Variants in GFM2 observed in about 807,000 individuals in gnomAD.
The protein encoded by GFM2 is GTP dependent ribosome recycling factor mitochondrial 2.
Under a neutral mutation model 95.4 loss-of-function variants are expected in GFM2, and 72 were observed. The ratio of observed to expected loss-of-function variants is 0.76; its 90% CI spans 0.62 to 0.92. The LOEUF is 0.92. GFM2 is among the 40% of genes least tolerant of loss of function. The pLI is 0.00. For missense variants in GFM2, 825 were observed against 924.1 expected, an observed-to-expected ratio of 0.89 and a Z score of 1.39; for synonymous variants, 276 against 317.5, an observed-to-expected ratio of 0.87 and a Z score of 1.39.
In GFM2 at chr5:74,741,542, A is replaced by G; in HGVS notation, c.917T>C (p.Leu306Ser). Residue 306 changes from leucine to serine, a missense_variant, in exon 11 of 21, where the codon TTA becomes TCA. Coordinates refer to ENST00000296805, the MANE Select transcript of GFM2 (RefSeq NM_032380.5). ...AATAAAATTTACCTTTTCAGCTGGT[A>G]ACAAATCAAAATTCTCACTAAATTC... ...LEEFSENFDL[L>S]PAEKLQTAIH... The G allele has an allele frequency of 6.5e-7, 1 of 1,544,402 alleles. No homozygotes were observed. Among genetic ancestry groups the G allele is most frequent in the Non-Finnish European group, 8.9e-7 (1 of 1,123,246 alleles).
At chr5:74,722,314 T>C in intron 20 of GFM2, 65 bp downstream of exon 20, 3 of 1,251,262 alleles carry the variant, frequency 2.4e-6, no homozygotes, top group Non-Finnish European at 3.4e-6. Flanking sequence ...TGATTGTCTA[T>C]TCATTGGCAT....
At position 74,736,873 on chromosome 5, in the gene GFM2, A is replaced by T; in HGVS notation, c.1433T>A (p.Leu478His). The T allele has an allele frequency of 6.2e-7, 1 of 1,613,918 alleles. No individual in the cohort carries two copies. The highest frequency in any genetic ancestry group is 8.5e-7 in the Non-Finnish European group (1 of 1,179,854). Residue 478 changes from leucine (L) to histidine (H), a missense_variant, in exon 15 of 21, where the codon CTT becomes CAT. Transcript: ENST00000296805. ...TGGAATCTCCACTCCAGCCAATAAA[A>T]GTCTCTCTGCTTCATTGTTTTGTCT... ...KHRQNNEAER[L>H]LLAGVEIPEP...
At chr5:74,759,634 T>C (rs927998211) in intron 3 of GFM2, among the ~76,000 whole-genome samples, 3 of 152,128 alleles carry the variant, frequency 2.0e-5, no homozygotes, top group Non-Finnish European at 4.4e-5. Context: ...GGTAAAAGTT[T>C]TAAACATCAA....
chr5:74,762,793 C>T lies in GFM2; in HGVS notation c.63+887G>A, dbSNP rs943493922. 4.6e-5 allele frequency among the ~76,000 whole-genome samples: 7 copies of T among 152,282 alleles called. No individual in the cohort carries two copies. In the East Asian group the frequency reaches 9.6e-4, roughly 21 times the overall value. On this transcript the variant is annotated intron_variant, in intron 2 of 20. Coordinates refer to ENST00000296805, the MANE Select transcript of GFM2 (RefSeq NM_032380.5). ...GTGGATATGCTGGGCAAAGGAATGACTCACCTCCCAGGTGGGATTAAGTGG... is the reference window on the plus strand; with the variant it reads ...GTGGATATGCTGGGCAAAGGAATGATTCACCTCCCAGGTGGGATTAAGTGG...
At chr5:74,742,886 C>G (rs1317739971) in intron 10 of GFM2, among the ~76,000 whole-genome samples, 1 of 152,138 alleles carries the variant, frequency 6.6e-6, no homozygotes, top group Non-Finnish European at 1.5e-5. Flanking sequence ...TCACGCTGGT[C>G]TCAAACTCCT....
chr5:74,761,080 A>G, intron 2 of GFM2, 94 bp from the exon 3 acceptor site: 1 of 723,520 alleles, frequency 1.4e-6, no homozygotes. Context: ...AGAAGATAAA[A>G]TATTTTGTAT....
chr5:74,738,486 C>A lies in GFM2; in HGVS notation c.1220+16G>T, dbSNP rs747760119. 3 of 1,610,790 alleles carry A rather than the reference C, an allele frequency of 1.9e-6. No individual in the cohort carries two copies. The highest frequency in any genetic ancestry group is 2.5e-6 in the Non-Finnish European group (3 of 1,178,778). On this transcript the variant is annotated intron_variant, in intron 13 of 20. Transcript: ENST00000296805. ...AGTGCATACAGTTTTATAAAATAAT[C>A]TAAGCTTCTACTTACGTGCAGTTTC...
At chr5:74,738,804 T>C (rs551952385) in intron 12 of GFM2, among the ~76,000 whole-genome samples, 162 bp from the exon 13 acceptor site, 3 of 152,104 alleles carry the variant, frequency 2.0e-5, no homozygotes, top group Non-Finnish European at 4.4e-5. Context: ...ATTGACTAAA[T>C]TACTCAATGG....
chr5:74,721,552 G>A lies in GFM2; in HGVS notation c.*103C>T, dbSNP rs1000546075. The A allele has an allele frequency of 1.4e-5, 17 of 1,252,202 alleles. No homozygotes were observed. In the Admixed American group the frequency reaches 3.4e-4, roughly 25 times the overall value. The allele number at this position is 1,252,202 out of a possible 1,614,324, so 77.6% of individuals were successfully genotyped here. A position where few individuals can be genotyped will look rare whatever the true frequency, so the allele number is the denominator to read the frequency against. ...TTTTATCTAGTTCTCTGAATGTACTGAAACAGTACTTTATTCGTCCAATAA... is the reference window on the plus strand; with the variant it reads ...TTTTATCTAGTTCTCTGAATGTACTAAAACAGTACTTTATTCGTCCAATAA... On this transcript the variant is annotated 3_prime_UTR_variant, in exon 21 of 21. Transcript: ENST00000296805.
chr5:74,763,236 G>C (rs1372398885), intron 2 of GFM2, among the ~76,000 whole-genome samples: 1 of 152,202 alleles, frequency 6.6e-6, no homozygotes, highest in African/African-American at 2.4e-5. Flanking sequence ...CTCTGCAGAA[G>C]ACAGCCAAAA....
chr5:74,721,745 T>C lies in GFM2; in HGVS notation c.2250A>G (p.Ser750=). The C allele has an allele frequency of 1.9e-6, 3 of 1,613,406 alleles. No individual in the cohort carries two copies. Among genetic ancestry groups the C allele is most frequent in the East Asian group, 2.2e-5 (1 of 44,848 alleles). ...STVLRTLTSG[S]ATFALELSTY... ...TAGATAGTTCTAAGGCAAAAGTAGC[T>C]GAGCCTGATGTTAGCGTTCGAAGCA... is the stretch of plus-strand genomic sequence containing the variant. Residue 750 remains serine, a synonymous_variant, in exon 21 of 21, where the codon TCA becomes TCG. Coordinates refer to ENST00000296805, the MANE Select transcript of GFM2 (RefSeq NM_032380.5).
intron 6 of GFM2, among the ~76,000 whole-genome samples, chr5:74,751,047 TTACA>T (rs1046114468): frequency 3.9e-5 from 6 of 152,150 alleles, no homozygotes; most frequent in African/African-American, 2.4e-5. Flanking sequence ...ATGATTCCAC[TTACA>T]TAAGGCATCT....
At chr5:74,734,481 A>G (rs568440580) in intron 15 of GFM2, among the ~76,000 whole-genome samples, 1 of 152,280 alleles carries the variant, frequency 6.6e-6, no homozygotes, top group East Asian at 1.9e-4. Context: ...GGAGTCTGAC[A>G]GAAATGCGGA....
At chr5:74,737,423 G>GTAGA (rs1264258772) in intron 14 of GFM2, among the ~76,000 whole-genome samples, 1 of 152,150 alleles carries the variant, frequency 6.6e-6, no homozygotes, top group Non-Finnish European at 1.5e-5. Context: ...TGGCTTCCAT[G>GTAGA]TAGAGCCCAA....
intron 14 of GFM2, among the ~76,000 whole-genome samples, chr5:74,737,881 T>G (rs112686170): frequency 1.3e-5 from 2 of 152,104 alleles, no homozygotes; most frequent in Non-Finnish European, 1.5e-5. Flanking sequence ...TGTAGGGCAT[T>G]GAACAAAAAA....
At position 74,740,139 on chromosome 5, in the gene GFM2, T is replaced by C. The variant is rs1406559921; in HGVS notation, c.931-2A>G. ...CACTCTATGTATTGCAGTCTGTAGC[T>C]ACAGAGCAGAGATACAAATGAGCAT... On this transcript the variant is annotated splice_acceptor_variant, in intron 11 of 20. Coordinates refer to ENST00000296805, the MANE Select transcript of GFM2 (RefSeq NM_032380.5). LOFTEE classifies it high-confidence loss of function. The C allele has an allele frequency of 6.3e-7, 1 of 1,593,890 alleles. No homozygotes were observed. Among genetic ancestry groups the C allele is most frequent in the Non-Finnish European group, 8.5e-7 (1 of 1,173,282 alleles).
chr5:74,743,399 C>T (rs1743210209), intron 10 of GFM2, among the ~76,000 whole-genome samples: 1 of 152,194 alleles, frequency 6.6e-6, no homozygotes, highest in Admixed American at 6.5e-5. Context: ...ATTCTCCACA[C>T]CTTTGCCAAC....
rs1245136950 is a variant in GFM2, at chr5:74,746,119, G to C, written c.655C>G (p.Pro219Ala). ...AACCAATTTACCTGTAAAAGCAAAG[G>C]CTTTGCCTTTAACTTCTCTCTGATG... The part of the protein sequence containing the change: ...ESIREKLKAK[P>A]LLLQLPIGEA... Residue 219 changes from proline to alanine, a missense_variant, in exon 9 of 21, where the codon CCT becomes GCT. By Grantham distance (27) the Pro-to-Ala change is conservative (BLOSUM62 -1). Coordinates refer to ENST00000296805, the MANE Select transcript of GFM2 (RefSeq NM_032380.5). 1 of 1,550,826 alleles carries C rather than the reference G, an allele frequency of 6.4e-7. No homozygotes were observed.
At chr5:74,732,626 T>A (rs922462873) in intron 16 of GFM2, among the ~76,000 whole-genome samples, 2 of 152,120 alleles carry the variant, frequency 1.3e-5, no homozygotes, top group African/African-American at 4.8e-5. Context: ...TTCTCTCCCA[T>A]TTTAGGTGTT....
Sources: allele counts gnomAD v4.1 joint callset (sites outside exome capture counted in the v4.1 genomes callset), GRCh38; gene constraint gnomAD v4.1.1; transcripts MANE v1.5; gene names NCBI Gene and HGNC (gene_info 2026-07-23, HGNC 2026-07-21).